ESR1: variants seen among roughly 807,000 people sequenced by gnomAD.
The protein encoded by ESR1 is estrogen receptor 1.
ESR1 carries 12 observed loss-of-function variants against 52.7 expected under a neutral mutation model. The observed-to-expected ratio is 0.23, with a 90% CI of 0.15 to 0.37. ESR1 has a LOEUF of 0.37. Ranked by LOEUF, ESR1 falls within the 10% of genes least tolerant of loss-of-function variation. ESR1 has a pLI of 1.00. For missense variants in ESR1, 584 were observed against 779.7 expected (o/e 0.75, Z 2.99); for synonymous variants, 305 against 316.8 (o/e 0.96, Z 0.39).
chr6:151,987,207 G>T (rs933191328), intron 4 of ESR1, among the ~76,000 whole-genome samples: 1 of 151,984 alleles, frequency 6.6e-6, no homozygotes, highest in Non-Finnish European at 1.5e-5. Flanking sequence ...TCCTCCTACT[G>T]CACCCACCCA....
intron 1 of ESR1, among the ~76,000 whole-genome samples, chr6:151,691,887 T>G (rs746183717): frequency 6.6e-6 from 1 of 152,244 alleles, no homozygotes; most frequent in Non-Finnish European, 1.5e-5. Context: ...CTGTGATGAC[T>G]GCCCACTAGG....
rs568343085 is a variant in ESR1, at chr6:151,786,074, C to T, written c.-70-21769C>T. Among the ~76,000 whole-genome samples, 4 of 152,248 alleles carry T rather than the reference C, an allele frequency of 2.6e-5. No individual in the cohort carries two copies. The East Asian group carries it at 7.7e-4, about 29-fold the overall frequency. ...TGAACCCCATTAAACCAGATGACCTCCAAGGCCCTGCCCGCCCCAACATCT... is the reference window on the plus strand; with the variant it reads ...TGAACCCCATTAAACCAGATGACCTTCAAGGCCCTGCCCGCCCCAACATCT... On this transcript the variant is annotated intron_variant, in intron 2 of 2. Coordinates refer to the ESR1 transcript ENST00000404742.
chr6:152,114,422 T>TC (rs1479015082), intron 6 of ESR1, among the ~76,000 whole-genome samples: 1 of 152,004 alleles, frequency 6.6e-6, no homozygotes, highest in Non-Finnish European at 1.5e-5. Flanking sequence ...GATTCATAAA[T>TC]CCCCCAGTCA....
downstream of ESR1, among the ~76,000 whole-genome samples, chr6:152,106,769 CTTAT>C (rs1273413574): frequency 9.7e-4 from 148 of 152,056 alleles, no homozygotes; most frequent in Non-Finnish European, 1.8e-4. Context: ...TGTTTGTTTG[CTTAT>C]TTATTTATTT....
At chr6:151,707,266 T>G (rs1170922637) in intron 2 of ESR1, among the ~76,000 whole-genome samples, 1 of 152,200 alleles carries the variant, frequency 6.6e-6, no homozygotes, top group Non-Finnish European at 1.5e-5. Context: ...AAATCACTTA[T>G]TCTCATCAGC....
chr6:152,021,825 G>A (rs2043680129), intron 5 of ESR1, among the ~76,000 whole-genome samples: 1 of 152,092 alleles, frequency 6.6e-6, no homozygotes, highest in Non-Finnish European at 1.5e-5. Context: ...AGTCTCACAA[G>A]ATCTGATGGT....
intron 3 of ESR1, among the ~76,000 whole-genome samples, chr6:151,938,010 C>G (rs1350625030): frequency 6.6e-6 from 1 of 152,164 alleles, no homozygotes; most frequent in Non-Finnish European, 1.5e-5. Flanking sequence ...TTATTTCATT[C>G]TTAATGAATT....
intron 5 of ESR1, among the ~76,000 whole-genome samples, chr6:152,015,271 A>C (rs2043083761): frequency 6.6e-6 from 1 of 152,112 alleles, no homozygotes; most frequent in Non-Finnish European, 1.5e-5. Flanking sequence ...ACGGTTCCTT[A>C]TCAGAGTCAT....
At chr6:152,040,642 T>C (rs2982724) in intron 5 of ESR1, among the ~76,000 whole-genome samples, 64,153 of 152,118 alleles carry the variant, frequency 0.42, 14,954 homozygotes, top group African/African-American at 0.61. Context: ...CAAAGTTCTG[T>C]GCATTGGGAA....
At chr6:152,045,506 G>A (rs899647223) in intron 5 of ESR1, among the ~76,000 whole-genome samples, 2 of 152,134 alleles carry the variant, frequency 1.3e-5, no homozygotes, top group East Asian at 1.9e-4. Context: ...GAGGCTCTGC[G>A]GCCAGACTGC....
rs184324717 is a variant in ESR1, at chr6:151,727,658, A to G, written c.-71+25653A>G. ...ATACGGTTTGTCTATATTCCCACCC[A>G]AATCTCATCTTGAATTGTAATCTCC... On this transcript the variant is annotated intron_variant, in intron 2 of 2. Transcript: ENST00000404742. Among the ~76,000 whole-genome samples the G allele has an allele frequency of 6.6e-5, 10 of 152,296 alleles. No homozygotes were observed. In the East Asian group the frequency reaches 1.9e-3, roughly 29 times the overall value.
intron 2 of ESR1, among the ~76,000 whole-genome samples, chr6:151,747,684 G>A (rs1188683304): frequency 1.3e-5 from 2 of 151,978 alleles, no homozygotes; most frequent in African/African-American, 4.8e-5. Context: ...ATTCCTTTCT[G>A]TCTCCATGGA....
chr6:151,819,740 A>G (rs943815746), intron 1 of ESR1, among the ~76,000 whole-genome samples: 7 of 152,174 alleles, frequency 4.6e-5, no homozygotes, highest in African/African-American at 1.7e-4. Context: ...TGCGCAATAA[A>G]TGTGATGCAC....
At chr6:151,936,434 C>G (rs973873570) in intron 3 of ESR1, among the ~76,000 whole-genome samples, 1 of 152,104 alleles carries the variant, frequency 6.6e-6, no homozygotes, top group Non-Finnish European at 1.5e-5. Context: ...GCTTGTTACA[C>G]TTTATGGGAA....
chr6:151,738,066 T>A (rs1310953395), intron 2 of ESR1, among the ~76,000 whole-genome samples: 7 of 152,242 alleles, frequency 4.6e-5, no homozygotes, highest in Non-Finnish European at 1.0e-4. Flanking sequence ...TATTAAATGA[T>A]GTAAATTTTA....
At chr6:151,740,213 G>T (rs375083673) in intron 2 of ESR1, among the ~76,000 whole-genome samples, 1 of 151,424 alleles carries the variant, frequency 6.6e-6, no homozygotes, top group East Asian at 1.9e-4. Context: ...ATGCTTCCTG[G>T]GTTCAAGTGA....
upstream of ESR1, among the ~76,000 whole-genome samples, chr6:151,688,759 AATCTATGGATT>A (rs1389971682): frequency 1.3e-5 from 2 of 152,258 alleles, no homozygotes; most frequent in East Asian, 3.8e-4. Flanking sequence ...TATTATAAGT[AATCTATGGATT>A]ATTTAAAGTA....
At chr6:151,769,147 G>C (rs766357296) in intron 2 of ESR1, among the ~76,000 whole-genome samples, 2 of 152,086 alleles carry the variant, frequency 1.3e-5, no homozygotes, top group Non-Finnish European at 2.9e-5. Context: ...ATTGTCAGTC[G>C]TTTCACCAAG....
chr6:152,086,281 C>T (rs2049708838), intron 6 of ESR1, among the ~76,000 whole-genome samples: 1 of 151,962 alleles, frequency 6.6e-6, no homozygotes, highest in African/African-American at 2.4e-5. Flanking sequence ...GAAAAGAAGG[C>T]TCCTAAGGAA....
Sources: allele counts gnomAD v4.1 joint callset (sites outside exome capture counted in the v4.1 genomes callset), GRCh38; gene constraint gnomAD v4.1.1; transcripts MANE v1.5; gene names NCBI Gene and HGNC (gene_info 2026-07-23, HGNC 2026-07-21).